The following WWOX variants were observed in gnomAD, a reference collection of about 807,000 sequenced individuals.
WWOX encodes the protein WW domain containing oxidoreductase, also known as WW domain-containing oxidoreductase.
Under a neutral mutation model 46.2 loss-of-function variants are expected in WWOX, and 69 were observed. That is an observed-to-expected ratio of 1.49 (90% CI 1.23 to 1.82). The LOEUF (loss-of-function observed/expected upper bound fraction) is 1.82. Ranked by LOEUF, WWOX falls within the 40% of genes most tolerant of loss-of-function variation. WWOX has a pLI of 0.00. For synonymous variants in WWOX, 359 were observed against 202.6 expected, an observed-to-expected ratio of 1.77 and a Z score of -6.56; for missense variants, 919 against 542.6, an observed-to-expected ratio of 1.69 and a Z score of -6.89.
At chr16:78,372,984 T>G (rs1334186343) in intron 5 of WWOX, among the ~76,000 whole-genome samples, 3 of 152,204 alleles carry the variant, frequency 2.0e-5, no homozygotes, top group Non-Finnish European at 4.4e-5. Flanking sequence ...GGCTATTGTC[T>G]CTCAAAGACT....
intron 8 of WWOX, among the ~76,000 whole-genome samples, chr16:78,735,571 C>A (rs1436992979): frequency 6.6e-6 from 1 of 152,206 alleles, no homozygotes; most frequent in Non-Finnish European, 1.5e-5. Flanking sequence ...CAGAGCATAC[C>A]TGCACAAGTC....
Position 78,382,336 on chromosome 16 carries a change from A to G in WWOX, c.517-4524A>G, listed in dbSNP as rs570268578. On this transcript the variant is annotated intron_variant, in intron 5 of 8. Coordinates refer to ENST00000566780, the MANE Select transcript of WWOX (RefSeq NM_016373.4). ...TTTGAGATGCCACGTGTAACTCACC[A>G]CATTGCCTTCCACATGCCGTAGAGG... Among the ~76,000 whole-genome samples, 18 of 152,302 alleles carry G rather than the reference A, an allele frequency of 1.2e-4. No individual in the cohort carries two copies. In the South Asian group the frequency reaches 3.7e-3, roughly 32 times the overall value.
At chr16:78,600,366 A>G (rs182988828) in intron 8 of WWOX, among the ~76,000 whole-genome samples, 2,293 of 152,268 alleles carry the variant, frequency 0.015, 28 homozygotes, top group Non-Finnish European at 0.024. Flanking sequence ...GGGGCCCCAG[A>G]TGACGGAAAC....
At chr16:78,684,168 A>G (rs536483230) in intron 8 of WWOX, among the ~76,000 whole-genome samples, 3 of 152,084 alleles carry the variant, frequency 2.0e-5, no homozygotes, top group African/African-American at 7.2e-5. Flanking sequence ...TGGTTTCCCA[A>G]TTCCCTAGCG....
rs1317540907 is a variant in WWOX at position 78,128,615 on chromosome 16, A to G, written c.409+13461A>G. Among the ~76,000 whole-genome samples, 4 of 152,326 alleles carry G rather than the reference A, an allele frequency of 2.6e-5. No individual in the cohort carries two copies. The East Asian group carries it at 7.7e-4, about 29-fold the overall frequency. ...GGATGCTCCTTGCTTATATAACATC[A>G]ACAGAATTGCTGGCCACATCTTGAT... On this transcript the variant is annotated intron_variant, in intron 4 of 8. Transcript: ENST00000566780.
At chr16:78,163,992 C>T (rs1362858453) in intron 4 of WWOX, among the ~76,000 whole-genome samples, 191 bp from the exon 5 acceptor site, 1 of 152,112 alleles carries the variant, frequency 6.6e-6, no homozygotes, top group East Asian at 1.9e-4. Flanking sequence ...CACTAGATGC[C>T]AGTAGGACTC....
At chr16:78,725,348 T>C (rs557803001) in intron 8 of WWOX, among the ~76,000 whole-genome samples, 33 of 136,068 alleles carry the variant, frequency 2.4e-4, no homozygotes, top group Admixed American at 1.5e-4. Flanking sequence ...TCTTTTCTTT[T>C]TTTTTTTTTT....
chr16:78,868,112 A>G (rs2151199626), intron 8 of WWOX, among the ~76,000 whole-genome samples: 1 of 152,316 alleles, frequency 6.6e-6, no homozygotes, highest in South Asian at 2.1e-4. Context: ...TGATAGCCAA[A>G]CGCCGGAAAT....
At chr16:79,053,736 C>G (rs940820724) in intron 8 of WWOX, among the ~76,000 whole-genome samples, 27 of 152,096 alleles carry the variant, frequency 1.8e-4, no homozygotes, top group African/African-American at 6.0e-4. Flanking sequence ...AGGATGCAGG[C>G]TTGGGAAGCT....
chr16:78,996,113 A>T lies in WWOX; in HGVS notation c.1057-215495A>T, dbSNP rs756943346. On this transcript the variant is annotated intron_variant, in intron 8 of 8. Coordinates refer to ENST00000566780, the MANE Select transcript of WWOX (RefSeq NM_016373.4). ...ATGAAATCAGAACGTGGCCCCTTCC[A>T]TGAAAGTCAGCTCAGGCGTAGAATG... 162 of 816,332 alleles carry T rather than the reference A, an allele frequency of 2.0e-4. 1 individual carries two copies. The African/African-American group carries it at 2.8e-3, about 14-fold the overall frequency. 50.6% of individuals were successfully genotyped at this position (816,332 alleles called of 1,614,324 possible). A position where few individuals can be genotyped will look rare whatever the true frequency, so the allele number is the denominator to read the frequency against.
intron 8 of WWOX, among the ~76,000 whole-genome samples, chr16:78,448,675 A>G (rs1421111377): frequency 3.9e-5 from 6 of 152,204 alleles, no homozygotes; most frequent in African/African-American, 1.4e-4. Context: ...GGAAGTTAAA[A>G]TATAGACTTT....
At chr16:78,597,016 A>C (rs951159399) in intron 8 of WWOX, among the ~76,000 whole-genome samples, 1 of 152,190 alleles carries the variant, frequency 6.6e-6, no homozygotes, top group Non-Finnish European at 1.5e-5. Context: ...CCAGCATGCG[A>C]TCCCCTCCCA....
intron 8 of WWOX, among the ~76,000 whole-genome samples, chr16:78,789,690 G>T (rs574759929): frequency 2.0e-5 from 3 of 152,230 alleles, no homozygotes; most frequent in Admixed American, 1.3e-4. Flanking sequence ...AATCATGGCA[G>T]TGTTCAATAA....
At chr16:78,330,096 T>C (rs1363582631) in intron 5 of WWOX, among the ~76,000 whole-genome samples, 1 of 152,170 alleles carries the variant, frequency 6.6e-6, no homozygotes, top group Non-Finnish European at 1.5e-5. Context: ...TAGATGGTTG[T>C]CCTTAACGCG....
intron 8 of WWOX, among the ~76,000 whole-genome samples, chr16:78,856,873 T>C (rs934883298): frequency 3.3e-5 from 5 of 152,322 alleles, no homozygotes; most frequent in Non-Finnish European, 4.4e-5. Flanking sequence ...GCCACCATCA[T>C]AGAGTATACC....
At chr16:78,445,025 C>A (rs891954899) in intron 8 of WWOX, among the ~76,000 whole-genome samples, 8 of 149,080 alleles carry the variant, frequency 5.4e-5, no homozygotes, top group Non-Finnish European at 1.2e-4. Flanking sequence ...CAAACCTGCA[C>A]TAAAACTTGT....
At chr16:78,553,127 G>A (rs2044213104) in intron 8 of WWOX, 2 of 152,270 alleles carry the variant, frequency 1.3e-5, no homozygotes, top group South Asian at 4.1e-4. Flanking sequence ...GGCTTGTGAG[G>A]AGTGGGGTTG....
intron 5 of WWOX, among the ~76,000 whole-genome samples, chr16:78,257,910 G>A (rs779038221): frequency 8.3e-5 from 11 of 132,934 alleles, no homozygotes; most frequent in Non-Finnish European, 1.7e-4. Context: ...AACTGAGTAT[G>A]TTTCCAATAT....
intron 8 of WWOX, among the ~76,000 whole-genome samples, chr16:78,635,198 C>G (rs908561693): frequency 1.3e-5 from 2 of 152,160 alleles, no homozygotes; most frequent in African/African-American, 4.8e-5. Context: ...TCAGGATTTG[C>G]TGGGGTCTGG....
Sources: gnomAD v4.1 joint callset for allele counts (sites outside exome capture counted in the v4.1 genomes callset) on GRCh38, gnomAD v4.1.1 for gene constraint, MANE v1.5 for transcripts, NCBI Gene and HGNC (gene_info 2026-07-23, HGNC 2026-07-21) for gene names.